Variants in WWOX observed in about 807,000 individuals in gnomAD.
The protein encoded by WWOX is WW domain containing oxidoreductase, also known as WW domain-containing oxidoreductase.
In WWOX, 69 loss-of-function variants were observed where a neutral mutation model predicts 46.2. That is an observed-to-expected ratio of 1.49 (90% CI 1.23 to 1.82). The LOEUF (loss-of-function observed/expected upper bound fraction) is 1.82, where lower values mean the gene tolerates loss of function less well. Among genes scored for constraint, WWOX ranks in the 40% most tolerant of loss-of-function variants. WWOX has a pLI of 0.00. For missense variants in WWOX, 919 were observed against 542.6 expected, an observed-to-expected ratio of 1.69 and a Z score of -6.89; for synonymous variants, 359 against 202.6, an observed-to-expected ratio of 1.77 and a Z score of -6.56.
At chr16:78,647,388 ATTGCTTCTGTGG>A in intron 8 of WWOX, among the ~76,000 whole-genome samples, 1 of 152,048 alleles carries the variant, frequency 6.6e-6, no homozygotes, top group African/African-American at 2.4e-5. Flanking sequence ...GCTGGTTCTC[ATTGCTTCTGTGG>A]GTCTCCAGGT....
chr16:78,618,352 G>A (rs2046081875), intron 8 of WWOX, among the ~76,000 whole-genome samples: 2 of 152,192 alleles, frequency 1.3e-5, no homozygotes, highest in Non-Finnish European at 2.9e-5. Context: ...AGTTCTGGAG[G>A]TTGGGAGTCC....
chr16:79,193,099 C>T (rs1382612147), intron 8 of WWOX, among the ~76,000 whole-genome samples: 4 of 152,218 alleles, frequency 2.6e-5, no homozygotes, highest in Non-Finnish European at 5.9e-5. Context: ...AGGGGCAAGG[C>T]CAGCACTTTC....
At chr16:78,314,947 G>A (rs950689064) in intron 5 of WWOX, among the ~76,000 whole-genome samples, 4 of 152,010 alleles carry the variant, frequency 2.6e-5, no homozygotes, top group African/African-American at 9.7e-5. Flanking sequence ...CACATGGGAT[G>A]GGAATTCTTG....
intron 8 of WWOX, among the ~76,000 whole-genome samples, chr16:78,519,457 AT>A (rs1470877513): frequency 2.6e-5 from 4 of 151,466 alleles, no homozygotes; most frequent in African/African-American, 7.3e-5. Context: ...TTTCCTTCTA[AT>A]TTTTTTCTTC....
chr16:79,095,775 A>G (rs765613729), intron 8 of WWOX, among the ~76,000 whole-genome samples: 12 of 150,878 alleles, frequency 8.0e-5, no homozygotes, highest in Non-Finnish European at 1.8e-4. Context: ...AGGAATACAG[A>G]CCTCAGAAAG....
At chr16:79,128,333 A>C (rs150844576) in intron 8 of WWOX, among the ~76,000 whole-genome samples, 1 of 88,336 alleles carries the variant, frequency 1.1e-5, no homozygotes, top group African/African-American at 5.1e-5. Flanking sequence ...CCTAATAGCT[A>C]AGAGTTAAAA....
At chr16:78,594,429 G>GCCTCCCCCCCCCCCCCCCCCCCC (rs1171391505) in intron 8 of WWOX, among the ~76,000 whole-genome samples, 1 of 32,380 alleles carries the variant, frequency 3.1e-5, no homozygotes, top group African/African-American at 1.4e-4. Context: ...CTGAGGAAAG[G>GCCTCCCCCCCCCCCCCCCCCCCC]CCCCCCCCCC....
chr16:78,239,180 T>G (rs1295150361), intron 5 of WWOX, among the ~76,000 whole-genome samples: 4 of 152,186 alleles, frequency 2.6e-5, no homozygotes, highest in Admixed American at 2.6e-4. Context: ...CATTCTGCAT[T>G]TCTCCCACGG....
At position 78,195,539 on chromosome 16, in the gene WWOX, G is replaced by GA. The variant is rs1249658813; in HGVS notation, c.516+31259dup. On this transcript the variant is annotated intron_variant, in intron 5 of 8. Coordinates refer to ENST00000566780, the MANE Select transcript of WWOX (RefSeq NM_016373.4). Reference sequence around the variant, plus strand: ...CACATTAGTGATTTCTAAGTGCTAAGAAAAAAAAAGAGCGGCTCACACCTG... The same window carrying GA: ...CACATTAGTGATTTCTAAGTGCTAAGAAAAAAAAAAGAGCGGCTCACACCTG... Among the ~76,000 whole-genome samples the GA allele has an allele frequency of 1.1e-4, 16 of 150,786 alleles. No individual in the cohort carries two copies. The East Asian group carries it at 1.9e-3, about 18-fold the overall frequency.
At chr16:78,382,393 C>A (rs986036814) in intron 5 of WWOX, among the ~76,000 whole-genome samples, 3 of 152,206 alleles carry the variant, frequency 2.0e-5, no homozygotes, top group African/African-American at 7.2e-5. Context: ...GAGGCTCCAT[C>A]CACCTGGTCC....
intron 8 of WWOX, among the ~76,000 whole-genome samples, chr16:78,849,707 A>G (rs1326379614): frequency 6.6e-6 from 1 of 152,110 alleles, no homozygotes; most frequent in African/African-American, 2.4e-5. Flanking sequence ...CTAGATTTCT[A>G]ATCTTGATGC....
At chr16:78,255,430 G>A (rs536683366) in intron 5 of WWOX, among the ~76,000 whole-genome samples, 4 of 152,346 alleles carry the variant, frequency 2.6e-5, no homozygotes, top group Admixed American at 2.0e-4. Flanking sequence ...ATAAATTAGC[G>A]TTTGCGGTTA....
At chr16:78,930,951 G>C (rs1305648930) in intron 8 of WWOX, among the ~76,000 whole-genome samples, 1 of 152,164 alleles carries the variant, frequency 6.6e-6, no homozygotes, top group African/African-American at 2.4e-5. Context: ...GTACCCTTAT[G>C]AACCTGGACA....
intron 8 of WWOX, among the ~76,000 whole-genome samples, chr16:78,465,170 C>T (rs150915680): frequency 1.8e-4 from 28 of 152,310 alleles, no homozygotes; most frequent in Non-Finnish European, 3.1e-4. Flanking sequence ...CTGGGAACTA[C>T]AGTTCAAGAT....
intron 4 of WWOX, among the ~76,000 whole-genome samples, chr16:78,135,682 C>G (rs1367850617): frequency 6.6e-6 from 1 of 150,738 alleles, no homozygotes; most frequent in Non-Finnish European, 1.5e-5. Flanking sequence ...GACAGTATTA[C>G]TGAAAAAAAA....
chr16:78,811,328 C>T (rs751095466), intron 8 of WWOX, among the ~76,000 whole-genome samples: 71 of 152,194 alleles, frequency 4.7e-4, no homozygotes, highest in East Asian at 1.5e-3. Flanking sequence ...TAAATCACTT[C>T]GGGGAATTAT....
chr16:78,744,762 C>T (rs56126557), intron 8 of WWOX, among the ~76,000 whole-genome samples: 22,340 of 151,912 alleles, frequency 0.15, 4,352 homozygotes, highest in African/African-American at 0.45. Flanking sequence ...TTCTATTACC[C>T]GAAAACAGTG....
At chr16:79,039,170 C>G (rs963958419) in intron 8 of WWOX, among the ~76,000 whole-genome samples, 1 of 152,080 alleles carries the variant, frequency 6.6e-6, no homozygotes, top group African/African-American at 2.4e-5. Context: ...GCAGGTGATG[C>G]TCATGTTACG....
At chr16:78,530,404 T>TG (rs1297677826) in intron 8 of WWOX, among the ~76,000 whole-genome samples, 1 of 152,160 alleles carries the variant, frequency 6.6e-6, no homozygotes, top group Admixed American at 6.5e-5. Flanking sequence ...TGGCTTTCAC[T>TG]GGGAAGATAA....
Sources: gnomAD v4.1 joint callset for allele counts (sites outside exome capture counted in the v4.1 genomes callset) on GRCh38, gnomAD v4.1.1 for gene constraint, MANE v1.5 for transcripts, NCBI Gene and HGNC (gene_info 2026-07-23, HGNC 2026-07-21) for gene names.